Variants in STIM2 observed in about 807,000 individuals in gnomAD.
STIM2 encodes the protein stromal interaction molecule 2.
In STIM2, 31 loss-of-function variants were observed where a neutral mutation model predicts 85.8. The ratio of observed to expected loss-of-function variants is 0.36; its 90% CI spans 0.27 to 0.49. The LOEUF (loss-of-function observed/expected upper bound fraction) is 0.49, where lower values mean the gene tolerates loss of function less well. STIM2 is among the 20% of genes least tolerant of loss of function. STIM2 has a pLI of 0.98. For missense variants in STIM2, 841 were observed against 927.6 expected (o/e 0.91, Z 1.21); for synonymous variants, 356 against 331.1 (o/e 1.08, Z -0.82).
At position 27,013,974 on chromosome 4, in the gene STIM2, C is replaced by T. The variant is rs1182083486; in HGVS notation, c.1490-3737C>T. 4.0e-5 allele frequency among the ~76,000 whole-genome samples: 6 copies of T among 151,346 alleles called. No homozygotes were observed. The South Asian group carries it at 1.3e-3, about 32-fold the overall frequency. On this transcript the variant is annotated intron_variant, in intron 10 of 11. Transcript: ENST00000467087. ...TGTAGATTTGTGAAGTTACATGTTTCTAGAATATTGTGTTTTATCTGAGTT... is the reference window on the plus strand; with the variant it reads ...TGTAGATTTGTGAAGTTACATGTTTTTAGAATATTGTGTTTTATCTGAGTT...
chr4:27,017,761 C>CGTTCACGCCGCAGCATT lies in STIM2; in HGVS notation c.1543_1559dup (p.Pro521HisfsTer86). The CGTTCACGCCGCAGCATT allele has an allele frequency of 6.2e-7, 1 of 1,614,090 alleles. No individual in the cohort carries two copies. The highest frequency in any genetic ancestry group is 2.2e-5 in the East Asian group (1 of 44,868). On this transcript the variant is annotated frameshift_variant, in exon 11 of 12. Coordinates refer to ENST00000467087, the MANE Select transcript of STIM2 (RefSeq NM_020860.4). LOFTEE classifies it high-confidence loss of function. The stretch of plus-strand genomic sequence containing the variant: ...ATTAGCCAGAAGCAGCAGCCTGTGC[C>CGTTCACGCCGCAGCATT]GTTCACGCCGCAGCATTGTGCCGTC...
At chr4:26,996,812 A>G (rs1282306607) in intron 4 of STIM2, among the ~76,000 whole-genome samples, 1 of 152,180 alleles carries the variant, frequency 6.6e-6, no homozygotes, top group Non-Finnish European at 1.5e-5. Flanking sequence ...ATGAGGAACA[A>G]TAGGAATTTT....
intron 3 of STIM2, among the ~76,000 whole-genome samples, chr4:26,988,248 T>C (rs1727650322): frequency 6.6e-6 from 1 of 152,172 alleles, no homozygotes; most frequent in African/African-American, 2.4e-5. Flanking sequence ...AATTACGTTA[T>C]GGTATATGAT....
chr4:26,896,681 A>C (rs1175633524), intron 1 of STIM2, among the ~76,000 whole-genome samples: 1 of 152,220 alleles, frequency 6.6e-6, no homozygotes, highest in Non-Finnish European at 1.5e-5. Flanking sequence ...TACATTATCA[A>C]AACCGGGGAA....
intron 2 of STIM2, among the ~76,000 whole-genome samples, chr4:26,920,128 T>C (rs1724743631): frequency 6.6e-6 from 1 of 152,164 alleles, no homozygotes; most frequent in Admixed American, 6.5e-5. Flanking sequence ...TGTCTTTCTA[T>C]GTTACCTCTC....
intron 1 of STIM2, among the ~76,000 whole-genome samples, chr4:26,918,047 T>C (rs1724653741): frequency 6.6e-6 from 1 of 152,144 alleles, no homozygotes. Flanking sequence ...CACGTATTTA[T>C]ATATCACACA....
intron 1 of STIM2, among the ~76,000 whole-genome samples, chr4:26,868,435 A>G (rs1006837364): frequency 6.6e-6 from 1 of 152,078 alleles, no homozygotes; most frequent in African/African-American, 2.4e-5. Context: ...TGTTTTGTTT[A>G]ATTAAGTGCT....
intron 1 of STIM2, among the ~76,000 whole-genome samples, chr4:26,901,845 T>G (rs1723930776): frequency 6.6e-6 from 1 of 152,166 alleles, no homozygotes. Flanking sequence ...TTTGAGAGAC[T>G]GATTATTTGG....
chr4:26,973,674 A>G (rs528286164), intron 3 of STIM2, among the ~76,000 whole-genome samples: 101 of 152,230 alleles, frequency 6.6e-4, no homozygotes, highest in African/African-American at 2.4e-3. Context: ...GGTCAATTTT[A>G]GAATAAGTGC....
chr4:26,986,842 A>G (rs1023051290), intron 3 of STIM2, among the ~76,000 whole-genome samples: 2 of 152,264 alleles, frequency 1.3e-5, no homozygotes, highest in African/African-American at 2.4e-5. Context: ...TATTTAAGGA[A>G]GACTAAAAGT....
intron 2 of STIM2, among the ~76,000 whole-genome samples, chr4:26,948,084 C>T (rs188877903): frequency 9.3e-4 from 141 of 152,184 alleles, no homozygotes; most frequent in African/African-American, 3.3e-3. Context: ...TAGAATTGTT[C>T]AGGTATGATT....
intron 3 of STIM2, among the ~76,000 whole-genome samples, chr4:26,960,803 G>T (rs986261039): frequency 6.6e-6 from 1 of 152,070 alleles, no homozygotes; most frequent in Non-Finnish European, 1.5e-5. Context: ...AGTGGCTCAT[G>T]CCTGTAATCC....
chr4:26,939,785 CA>C (rs1364881859), intron 2 of STIM2, among the ~76,000 whole-genome samples: 1 of 152,078 alleles, frequency 6.6e-6, no homozygotes, highest in Non-Finnish European at 1.5e-5. Flanking sequence ...AAAAACAAAA[CA>C]CATGTAAGAT....
intron 1 of STIM2, among the ~76,000 whole-genome samples, chr4:26,891,553 A>G (rs1404997666): frequency 8.9e-6 from 1 of 111,952 alleles, no homozygotes; most frequent in African/African-American, 4.0e-5. Context: ...ATGTGTATAC[A>G]TACATACACA....
intron 2 of STIM2, among the ~76,000 whole-genome samples, chr4:26,930,368 T>C (rs1231288514): frequency 1.3e-5 from 2 of 152,196 alleles, no homozygotes; most frequent in Non-Finnish European, 2.9e-5. Context: ...TACCTTTCCC[T>C]CTTTTTCTTT....
chr4:26,884,569 A>G (rs1470771414), intron 1 of STIM2, among the ~76,000 whole-genome samples: 1 of 152,232 alleles, frequency 6.6e-6, no homozygotes, highest in Non-Finnish European at 1.5e-5. Context: ...AAAGAAAACT[A>G]ACAGGAAATT....
intron 1 of STIM2, among the ~76,000 whole-genome samples, chr4:26,882,643 G>A (rs374482842): frequency 2.0e-5 from 3 of 150,866 alleles, no homozygotes; most frequent in African/African-American, 7.3e-5. Flanking sequence ...TGTATTTTTT[G>A]TAGGGACAGG....
intron 1 of STIM2, among the ~76,000 whole-genome samples, chr4:26,910,312 AG>A (rs1405644250): frequency 6.6e-6 from 1 of 152,144 alleles, no homozygotes; most frequent in Non-Finnish European, 1.5e-5. Context: ...ACTTGTGGTC[AG>A]GAGTTCAAGA....
rs115434373 is a variant in STIM2, at chr4:27,002,799, T to C, written c.804-128T>C. On this transcript the variant is annotated intron_variant, in intron 6 of 11. Transcript: ENST00000467087. The stretch of plus-strand genomic sequence containing the variant: ...TATTTGTATTAACCAAACTTAAGGC[T>C]AATGAAAAATGCTATGATTTCTGAT... 1.4e-3 allele frequency: 1,238 copies of C among 903,014 alleles called. 9 individuals are homozygous for C. In the African/African-American group the frequency reaches 0.019, roughly 14 times the overall value. The allele number at this position is 903,014 out of a possible 1,614,324, so 55.9% of individuals were successfully genotyped here. A position where few individuals can be genotyped will look rare whatever the true frequency, so the allele number is the denominator to read the frequency against.
Sources: gnomAD v4.1 joint callset for allele counts (sites outside exome capture counted in the v4.1 genomes callset) on GRCh38, gnomAD v4.1.1 for gene constraint, MANE v1.5 for transcripts, NCBI Gene and HGNC (gene_info 2026-07-23, HGNC 2026-07-21) for gene names.